The following CDC14B variants were observed in gnomAD, a reference collection of about 807,000 sequenced individuals.
CDC14B encodes the protein cell division cycle 14B, also known as dual specificity protein phosphatase CDC14B.
CDC14B carries 22 observed loss-of-function variants against 64.2 expected under a neutral mutation model. The observed-to-expected ratio is 0.34, with a 90% confidence interval of 0.24 to 0.49. CDC14B has a LOEUF of 0.49. CDC14B is among the 20% of genes least tolerant of loss of function. The pLI is 0.99. For missense variants in CDC14B, 498 were observed against 629.9 expected, an observed-to-expected ratio of 0.79 and a Z score of 2.24; for synonymous variants, 191 against 215.8, an observed-to-expected ratio of 0.89 and a Z score of 1.01.
At chr9:96,598,482 G>A (rs1400323940) in intron 1 of CDC14B, among the ~76,000 whole-genome samples, 1 of 150,804 alleles carries the variant, frequency 6.6e-6, no homozygotes, top group Non-Finnish European at 1.5e-5. Flanking sequence ...GATTACAGGC[G>A]CCTGCCACTA....
At position 96,504,503 on chromosome 9, in the gene CDC14B, T is replaced by C. The variant is rs188402891; in HGVS notation, c.1461-714A>G. Among the ~76,000 whole-genome samples, 19 of 152,302 alleles carry C rather than the reference T, an allele frequency of 1.2e-4. No individual in the cohort carries two copies. In the East Asian group the frequency reaches 3.7e-3, roughly 29 times the overall value. On this transcript the variant is annotated intron_variant, in intron 13 of 13. Transcript: ENST00000375241. ...CTTCAAGGAGAAGCGTTTGAATCGA[T>C]CATTTCGTTTTCAGAGATCCCAACA...
rs202016875 is a variant in CDC14B, at chr9:96,523,589, C to G, written c.1083G>C (p.Val361=). 4 of 1,614,070 alleles carry G rather than the reference C, an allele frequency of 2.5e-6. No individual in the cohort carries two copies. In the African/African-American group the frequency reaches 5.3e-5, roughly 22 times the overall value. Reference sequence around the variant, plus strand: ...TACAGACGTAGGCTACTACTTACATCACCAAAAACTGCTGCTGAGGCCCAA... The same window carrying G: ...TACAGACGTAGGCTACTACTTACATGACCAAAAACTGCTGCTGAGGCCCAA... The part of the protein sequence containing the change: ...SVIGPQQQFL[V]MKQTNLWLEG... The change falls in exon 10 of 14, where the codon GTG becomes GTC. Residue 361 remains valine, a splice_region_variant and synonymous_variant. Transcript: ENST00000375241.
intron 13 of CDC14B, among the ~76,000 whole-genome samples, chr9:96,494,827 C>G (rs150816141): frequency 1.1e-5 from 1 of 88,444 alleles, no homozygotes; most frequent in Non-Finnish European, 2.4e-5. Flanking sequence ...ATCCCGTCTC[C>G]CCTCCCCTCC....
chr9:96,601,936 G>A (rs1329712046), intron 1 of CDC14B, among the ~76,000 whole-genome samples: 8 of 151,704 alleles, frequency 5.3e-5, no homozygotes, highest in Non-Finnish European at 1.0e-4. Context: ...GTGGGTGCCT[G>A]TAACCCCAGC....
At chr9:96,506,985 C>A (rs1379301552) in intron 13 of CDC14B, among the ~76,000 whole-genome samples, 1 of 152,236 alleles carries the variant, frequency 6.6e-6, no homozygotes, top group Non-Finnish European at 1.5e-5. Context: ...GTGCAAGACA[C>A]ACTACGCTGT....
chr9:96,616,988 A>T (rs1276963382), intron 1 of CDC14B, among the ~76,000 whole-genome samples: 1 of 152,080 alleles, frequency 6.6e-6, no homozygotes, highest in East Asian at 1.9e-4. Flanking sequence ...GGAAGCCAAG[A>T]CTATCACTGA....
chr9:96,552,504 T>C (rs892357631), intron 4 of CDC14B, among the ~76,000 whole-genome samples: 2 of 152,092 alleles, frequency 1.3e-5, no homozygotes, highest in Admixed American at 6.5e-5. Context: ...ATTTTTTTTT[T>C]CCCTTGACAT....
At chr9:96,507,828 T>A (rs754215142) in intron 13 of CDC14B, among the ~76,000 whole-genome samples, 1 of 152,158 alleles carries the variant, frequency 6.6e-6, no homozygotes, top group Non-Finnish European at 1.5e-5. Context: ...AAATCCCAAC[T>A]GTCCCACCAA....
intron 1 of CDC14B, among the ~76,000 whole-genome samples, chr9:96,605,849 G>A (rs550814026): frequency 2.0e-5 from 3 of 150,946 alleles, no homozygotes; most frequent in Admixed American, 6.6e-5. Flanking sequence ...CAACAAGAGC[G>A]AAATTTTGCC....
chr9:96,522,429 G>T, intron 12 of CDC14B, 77 bp downstream of exon 12: 1 of 948,088 alleles, frequency 1.1e-6, no homozygotes, highest in Non-Finnish European at 1.7e-6. Context: ...GGAGAAAAAT[G>T]TACAGGAAAA....
intron 7 of CDC14B, among the ~76,000 whole-genome samples, chr9:96,537,999 C>T (rs1455775139): frequency 1.3e-5 from 2 of 152,156 alleles, no homozygotes; most frequent in East Asian, 1.9e-4. Flanking sequence ...GGATTACAGG[C>T]ATGAGCCACT....
intron 1 of CDC14B, among the ~76,000 whole-genome samples, chr9:96,605,954 CA>C (rs529300579): frequency 1.3e-5 from 2 of 151,828 alleles, no homozygotes; most frequent in African/African-American, 4.8e-5. Flanking sequence ...AACAGGTACA[CA>C]AAAAATTGGC....
At chr9:96,493,607 A>G (rs1363938218) in intron 13 of CDC14B, among the ~76,000 whole-genome samples, 1 of 152,208 alleles carries the variant, frequency 6.6e-6, no homozygotes, top group East Asian at 1.9e-4. Context: ...AGGTGGGAGG[A>G]TTGCTTGAGG....
chr9:96,539,957 A>G (rs997189013), intron 6 of CDC14B, among the ~76,000 whole-genome samples: 8 of 152,242 alleles, frequency 5.3e-5, no homozygotes, highest in South Asian at 2.1e-4. Flanking sequence ...GCTTTTGTAC[A>G]CCCAGTTTTC....
intron 9 of CDC14B, among the ~76,000 whole-genome samples, chr9:96,529,549 T>C (rs1420214097): frequency 2.0e-5 from 3 of 147,304 alleles, no homozygotes; most frequent in African/African-American, 5.1e-5. Flanking sequence ...TGGAATGCAA[T>C]GGCACAATCA....
intron 1 of CDC14B, among the ~76,000 whole-genome samples, chr9:96,571,937 TATACCCTTTTTGTCCA>T: frequency 6.6e-6 from 1 of 151,504 alleles, no homozygotes; most frequent in East Asian, 2.0e-4. Flanking sequence ...GGGTGTAGAT[TATACCCTTTTTGTCCA>T]ATCATATTTC....
At chr9:96,505,466 C>T (rs1024137817) in intron 13 of CDC14B, among the ~76,000 whole-genome samples, 4 of 152,304 alleles carry the variant, frequency 2.6e-5, no homozygotes, top group East Asian at 3.9e-4. Context: ...GGAAGGGCTG[C>T]GTGAAGACAT....
chr9:96,552,268 A>G lies in CDC14B; in HGVS notation c.421-396T>C, dbSNP rs577266143. On this transcript the variant is annotated intron_variant, in intron 4 of 13. Coordinates refer to ENST00000375241, the MANE Select transcript of CDC14B (RefSeq NM_033331.4). Reference sequence around the variant, plus strand: ...ATGGGGTTAGACTGGGGTGAGGTGGAAAGAGACACAAAGGCAGAACACAGA... The same window carrying G: ...ATGGGGTTAGACTGGGGTGAGGTGGGAAGAGACACAAAGGCAGAACACAGA... Among the ~76,000 whole-genome samples, 6 of 152,308 alleles carry G rather than the reference A, an allele frequency of 3.9e-5. No homozygotes were observed. In the South Asian group the frequency reaches 6.2e-4, roughly 16 times the overall value.
At chr9:96,582,864 T>C (rs1845235102) in intron 1 of CDC14B, among the ~76,000 whole-genome samples, 1 of 152,192 alleles carries the variant, frequency 6.6e-6, no homozygotes, top group Non-Finnish European at 1.5e-5. Context: ...TCCAGATGAA[T>C]TCCTCTTACT....
Sources: allele counts gnomAD v4.1 joint callset (sites outside exome capture counted in the v4.1 genomes callset), GRCh38; gene constraint gnomAD v4.1.1; transcripts MANE v1.5; gene names NCBI Gene and HGNC (gene_info 2026-07-23, HGNC 2026-07-21).